Variants in MLANA observed in about 807,000 individuals in gnomAD.
MLANA encodes melan-A, also known as melanoma antigen recognized by T-cells 1.
MLANA carries 21 observed loss-of-function variants against 15.7 expected under a neutral mutation model. The ratio of observed to expected loss-of-function variants is 1.33; its 90% CI spans 0.95 to 1.92. MLANA has a LOEUF of 1.92. Ranked by LOEUF, MLANA falls within the 40% of genes most tolerant of loss-of-function variation. The pLI is 0.00. For synonymous variants in MLANA, 56 were observed against 51.5 expected (o/e 1.09, Z -0.37); for missense variants, 164 against 143.8 (o/e 1.14, Z -0.72).
rs1029423180 is a variant in MLANA at position 5,905,186 on chromosome 9, G to A, written c.175-1699G>A. ...CTATACCATTTCATAGGCATTATGA[G>A]TATCTTAAAATAATCCTAATTCCTT... is the stretch of plus-strand genomic sequence containing the variant. On this transcript the variant is annotated intron_variant, in intron 3 of 4. Transcript: ENST00000381477. Among the ~76,000 whole-genome samples the A allele has an allele frequency of 3.3e-5, 5 of 152,098 alleles. 1 individual carries two copies. Among genetic ancestry groups the A allele is most frequent in the Admixed American group, 2.0e-4 (3 of 15,270 alleles).
At chr9:5,905,076 T>C (rs926949217) in intron 3 of MLANA, among the ~76,000 whole-genome samples, 8 of 152,190 alleles carry the variant, frequency 5.3e-5, no homozygotes, top group African/African-American at 1.9e-4. Context: ...CCCGGCCTTA[T>C]ACTTCTTTTT....
intron 3 of MLANA, 27 bp downstream of exon 3, chr9:5,897,680 C>A: frequency 6.4e-7 from 1 of 1,574,400 alleles, no homozygotes; most frequent in Non-Finnish European, 8.7e-7. Context: ...CTGCTGAAAT[C>A]CCTCCAAGTC....
chr9:5,900,536 A>G (rs1832345425), intron 3 of MLANA, among the ~76,000 whole-genome samples: 1 of 152,062 alleles, frequency 6.6e-6, no homozygotes, highest in South Asian at 2.1e-4. Context: ...CAGTGATTCT[A>G]TTTTCATTTT....
intron 2 of MLANA, 22 bp from the exon 3 acceptor site, chr9:5,897,535 A>T (rs772896956): frequency 6.3e-7 from 1 of 1,598,628 alleles, no homozygotes; most frequent in Admixed American, 1.7e-5. Context: ...GACAAAGTGG[A>T]TTTGTCTATC....
chr9:5,891,201 T>C (rs866179330), intron 1 of MLANA: 13 of 152,196 alleles, frequency 8.5e-5, no homozygotes, highest in African/African-American at 2.9e-4. Flanking sequence ...CTCCCTGAGG[T>C]AGATGTGTTC....
chr9:5,902,375 A>T (rs552434185), intron 3 of MLANA, among the ~76,000 whole-genome samples: 2 of 152,192 alleles, frequency 1.3e-5, no homozygotes, highest in East Asian at 3.9e-4. Flanking sequence ...TTCTTAGCCT[A>T]GCTAAAGGCT....
intron 3 of MLANA, among the ~76,000 whole-genome samples, chr9:5,902,707 A>ATGTT (rs1286993483): frequency 1.3e-5 from 2 of 150,744 alleles, no homozygotes; most frequent in African/African-American, 4.9e-5. Context: ...GAGTCTCACT[A>ATGTT]TGTTGCTCTG....
At chr9:5,896,947 C>T (rs890441543) in intron 2 of MLANA, among the ~76,000 whole-genome samples, 5 of 152,302 alleles carry the variant, frequency 3.3e-5, no homozygotes, top group African/African-American at 9.6e-5. Context: ...AGGGAGGGCA[C>T]GAACATAATT....
At chr9:5,896,374 C>G (rs1404900407) in intron 2 of MLANA, among the ~76,000 whole-genome samples, 1 of 152,152 alleles carries the variant, frequency 6.6e-6, no homozygotes, top group Non-Finnish European at 1.5e-5. Context: ...ATCTATAAAG[C>G]GGGTGGACTG....
intron 3 of MLANA, among the ~76,000 whole-genome samples, chr9:5,903,234 TG>T (rs1226990851): frequency 6.6e-6 from 1 of 152,202 alleles, no homozygotes; most frequent in African/African-American, 2.4e-5. Flanking sequence ...ATGTGTTTTG[TG>T]GCCCAGAATG....
chr9:5,895,281 A>G (rs1230711982), intron 2 of MLANA, among the ~76,000 whole-genome samples: 1 of 152,198 alleles, frequency 6.6e-6, no homozygotes, highest in Non-Finnish European at 1.5e-5. Flanking sequence ...GTAACTGCAC[A>G]TGGCCACCAA....
In MLANA at chr9:5,907,600, A is replaced by G. The variant is rs1314091029; in HGVS notation, c.288+602A>G. 2.0e-5 allele frequency among the ~76,000 whole-genome samples: 3 copies of G among 152,244 alleles called. 1 individual carries two copies. Among genetic ancestry groups the G allele is most frequent in the Admixed American group, 6.5e-5 (1 of 15,288 alleles). On this transcript the variant is annotated intron_variant, in intron 4 of 4. Transcript: ENST00000381477. ...TATTCTGAAAATATTAGGTTAAACA[A>G]AATATTTTAAGATTAATTTTACATG... is the stretch of plus-strand genomic sequence containing the variant.
At chr9:5,893,305 AG>A (rs1053423186) in intron 2 of MLANA, among the ~76,000 whole-genome samples, 1 of 152,158 alleles carries the variant, frequency 6.6e-6, no homozygotes, top group Non-Finnish European at 1.5e-5. Flanking sequence ...TGGCAGGGGC[AG>A]GGGAGGCCCC....
intron 1 of MLANA, among the ~76,000 whole-genome samples, chr9:5,891,919 G>T (rs942009091): frequency 1.3e-5 from 2 of 152,216 alleles, no homozygotes; most frequent in Non-Finnish European, 2.9e-5. Context: ...TGTGCTCAGT[G>T]CTCAACCTCA....
At chr9:5,898,970 C>G (rs758329722) in intron 3 of MLANA, 1 of 152,182 alleles carries the variant, frequency 6.6e-6, no homozygotes, top group Non-Finnish European at 1.5e-5. Flanking sequence ...AACACAATTA[C>G]ACAATCCAAT....
At chr9:5,897,270 C>T (rs904733702) in intron 2 of MLANA, among the ~76,000 whole-genome samples, 1 of 152,176 alleles carries the variant, frequency 6.6e-6, no homozygotes, top group African/African-American at 2.4e-5. Context: ...CACATAAAGA[C>T]CAGTTACTAT....
chr9:5,896,538 CTTAG>C (rs2129913858), intron 2 of MLANA, among the ~76,000 whole-genome samples: 1 of 152,300 alleles, frequency 6.6e-6, no homozygotes, highest in Non-Finnish European at 1.5e-5. Context: ...CAGCAGAAGC[CTTAG>C]TTAAACCTTG....
intron 2 of MLANA, among the ~76,000 whole-genome samples, chr9:5,893,130 G>A (rs780306039): frequency 7.2e-5 from 11 of 152,170 alleles, no homozygotes; most frequent in African/African-American, 2.2e-4. Context: ...GTATACTGGC[G>A]TGAGACACTG....
intron 2 of MLANA, 23 bp from the exon 3 acceptor site, chr9:5,897,534 G>T (rs780705084): frequency 1.3e-6 from 2 of 1,596,868 alleles, no homozygotes; most frequent in Non-Finnish European, 1.7e-6. Flanking sequence ...TGACAAAGTG[G>T]ATTTGTCTAT....
Sources: gnomAD v4.1 joint callset for allele counts (sites outside exome capture counted in the v4.1 genomes callset) on GRCh38, gnomAD v4.1.1 for gene constraint, MANE v1.5 for transcripts, NCBI Gene and HGNC (gene_info 2026-07-23, HGNC 2026-07-21) for gene names.